The following POLK variants were observed in gnomAD, a reference collection of about 807,000 sequenced individuals.
POLK encodes the protein polymerase (DNA directed) kappa.
A neutral mutation model predicts 94.0 loss-of-function variants in POLK; 76 were observed. The observed-to-expected ratio is 0.81, with a 90% CI of 0.67 to 0.98. The LOEUF (loss-of-function observed/expected upper bound fraction) is 0.98. Among genes scored for constraint, POLK ranks in the 50% least tolerant of loss-of-function variants. The pLI is 0.00. For missense variants in POLK, 954 were observed against 1,010.1 expected, an observed-to-expected ratio of 0.94 and a Z score of 0.75; for synonymous variants, 349 against 325.4, an observed-to-expected ratio of 1.07 and a Z score of -0.78.
At chr5:75,545,169 A>AT (rs1291077496) in intron 1 of POLK, among the ~76,000 whole-genome samples, 2 of 152,244 alleles carry the variant, frequency 1.3e-5, no homozygotes, top group African/African-American at 4.8e-5. Flanking sequence ...TAGTCACAGT[A>AT]TTCAGAGTCC....
exon 15 of POLK, chr5:75,599,123 A>T (rs1375525464): frequency 6.6e-6 from 1 of 151,732 alleles, no homozygotes; most frequent in Admixed American, 6.6e-5. Context: ...TTGGTGGCAC[A>T]CGCCTGTAAT....
chr5:75,511,745 C>T (rs1768020303), upstream of POLK: 3 of 1,550,462 alleles, frequency 1.9e-6, no homozygotes, highest in South Asian at 1.2e-5. Context: ...CGGGATCCTC[C>T]TCCCGAACCC....
chr5:75,591,098 C>A (rs1483246768), intron 11 of POLK, among the ~76,000 whole-genome samples: 1 of 152,156 alleles, frequency 6.6e-6, no homozygotes, highest in African/African-American at 2.4e-5. Context: ...TTCAATAGAT[C>A]AGTAAGGTGA....
At chr5:75,518,119 C>A (rs55805408) in intron 1 of POLK, among the ~76,000 whole-genome samples, 11,905 of 152,138 alleles carry the variant, frequency 0.078, 556 homozygotes, top group South Asian at 0.17. Context: ...GTTTTGATAT[C>A]AAGGTAATGC....
At chr5:75,524,363 C>T (rs1260808314) in intron 1 of POLK, among the ~76,000 whole-genome samples, 1 of 152,070 alleles carries the variant, frequency 6.6e-6, no homozygotes, top group African/African-American at 2.4e-5. Context: ...TGAAACCAAT[C>T]TAGGATTAAA....
chr5:75,587,357 G>A (rs906864081), intron 10 of POLK, among the ~76,000 whole-genome samples: 2 of 152,124 alleles, frequency 1.3e-5, no homozygotes, highest in Admixed American at 6.5e-5. Context: ...AAGGACAATT[G>A]AGTATTTACT....
chr5:75,529,547 CA>C (rs1294620766), intron 1 of POLK, among the ~76,000 whole-genome samples: 4 of 152,134 alleles, frequency 2.6e-5, no homozygotes, highest in South Asian at 2.1e-4. Context: ...ATATGCTATA[CA>C]AATAGTTGTA....
intron 1 of POLK, among the ~76,000 whole-genome samples, chr5:75,515,788 A>T (rs2112517537): frequency 6.6e-6 from 1 of 152,282 alleles, no homozygotes; most frequent in South Asian, 2.1e-4. Context: ...TATCTTTTTA[A>T]TAAAAGCCAT....
chr5:75,544,041 T>C (rs756489238), intron 1 of POLK, among the ~76,000 whole-genome samples: 1 of 152,162 alleles, frequency 6.6e-6, no homozygotes, highest in Non-Finnish European at 1.5e-5. Flanking sequence ...CTCACTGTGT[T>C]ACCAGGGCTG....
intron 7 of POLK, 83 bp from the exon 8 acceptor site, chr5:75,583,210 C>CT (rs374986939): frequency 1.2e-3 from 1,239 of 1,016,438 alleles, no homozygotes; most frequent in Non-Finnish European, 1.4e-3. Context: ...TTGCAATTAA[C>CT]TTTTTTTTTC....
intron 3 of POLK, among the ~76,000 whole-genome samples, chr5:75,559,286 A>G (rs1198993129): frequency 6.6e-6 from 1 of 152,160 alleles, no homozygotes; most frequent in Non-Finnish European, 1.5e-5. Flanking sequence ...TTTTACAGGC[A>G]TGAACCTCTA....
At chr5:75,559,262 C>G (rs1770816638) in intron 3 of POLK, among the ~76,000 whole-genome samples, 1 of 152,142 alleles carries the variant, frequency 6.6e-6, no homozygotes, top group Admixed American at 6.6e-5. Context: ...GCTAGTCGAG[C>G]TGAGGTAAGC....
chr5:75,576,796 C>T, exon 6 of POLK: 1 of 1,505,654 alleles, frequency 6.6e-7, no homozygotes, highest in East Asian at 2.4e-5. Context: ...GAAATACTTG[C>T]TGATTATGAT....
chr5:75,516,682 A>G (rs574964043), intron 1 of POLK, among the ~76,000 whole-genome samples: 49 of 151,734 alleles, frequency 3.2e-4, no homozygotes, highest in Admixed American at 1.6e-3. Flanking sequence ...AAAAAAACAA[A>G]ATAAAACAAC....
At chr5:75,596,271 A>T (rs992615211) in exon 13 of POLK, 5 of 1,612,916 alleles carry the variant, frequency 3.1e-6, no homozygotes, top group African/African-American at 1.3e-5. Context: ...AACACCAACA[A>T]AGGAGCATTA....
intron 6 of POLK, among the ~76,000 whole-genome samples, chr5:75,579,732 T>G (rs1212055456): frequency 2.0e-5 from 3 of 151,932 alleles, no homozygotes; most frequent in Non-Finnish European, 4.4e-5. Context: ...CACATAAATA[T>G]CAGCTAATGT....
intron 12 of POLK, among the ~76,000 whole-genome samples, chr5:75,594,649 C>A (rs1278487127): frequency 6.6e-6 from 1 of 152,170 alleles, no homozygotes; most frequent in African/African-American, 2.4e-5. Flanking sequence ...TGTAGCAAAA[C>A]AAAATATTCA....
At chr5:75,511,525 A>G, upstream of POLK, 1 of 1,467,526 alleles carries the variant, frequency 6.8e-7, no homozygotes, top group Non-Finnish European at 9.0e-7. Flanking sequence ...AATTTCAAAT[A>G]GGGAAGGAAA....
chr5:75,593,947 T>C, exon 12 of POLK: 1 of 1,607,786 alleles, frequency 6.2e-7, no homozygotes, highest in Non-Finnish European at 8.5e-7. Flanking sequence ...TACAGTTTCA[T>C]CTGTTGTTTC....
Sources: gnomAD v4.1 joint callset for allele counts (sites outside exome capture counted in the v4.1 genomes callset) on GRCh38, gnomAD v4.1.1 for gene constraint, MANE v1.5 for transcripts, NCBI Gene and HGNC (gene_info 2026-07-23, HGNC 2026-07-21) for gene names.